The following FUBP1 variants were observed in gnomAD, a reference collection of about 807,000 sequenced individuals.
FUBP1 encodes the protein far upstream element-binding protein 1.
A neutral mutation model predicts 94.9 loss-of-function variants in FUBP1; 16 were observed. The observed-to-expected ratio is 0.17, with a 90% CI of 0.11 to 0.26. The LOEUF (loss-of-function observed/expected upper bound fraction) is 0.26. Among genes scored for constraint, FUBP1 ranks in the 10% least tolerant of loss-of-function variants. The pLI is 1.00. For missense variants in FUBP1, 583 were observed against 808.6 expected, an observed-to-expected ratio of 0.72 and a Z score of 3.38; for synonymous variants, 279 against 254.9, an observed-to-expected ratio of 1.09 and a Z score of -0.90.
At chr1:77,952,963 C>T (rs978327194) in intron 18 of FUBP1, among the ~76,000 whole-genome samples, 26 of 143,032 alleles carry the variant, frequency 1.8e-4, no homozygotes, top group Admixed American at 5.6e-4. Context: ...CATGGTGAAA[C>T]TCTGTCTCTA....
intron 1 of FUBP1, among the ~76,000 whole-genome samples, chr1:77,975,891 G>T (rs72685366): frequency 0.027 from 4,116 of 151,642 alleles, 98 homozygotes; most frequent in South Asian, 0.11. Context: ...AAAAAAAGAA[G>T]ATTGGCAACT....
Position 77,967,694 on chromosome 1 carries a change from C to G in FUBP1, c.251-28G>C, listed in dbSNP as rs1416770734. The G allele has an allele frequency of 3.0e-6, 4 of 1,337,410 alleles. No individual in the cohort carries two copies. The Admixed American group carries it at 7.1e-5, about 24-fold the overall frequency. The allele number at this position is 1,337,410 out of a possible 1,614,324, so 82.8% of individuals were successfully genotyped here. The stretch of plus-strand genomic sequence containing the variant: ...ATCAAAAAATTAAATAAAAATAAAA[C>G]AAAAATTCAAAATTTAAATTTACTT... On this transcript the variant is annotated intron_variant, in intron 3 of 19. Coordinates refer to ENST00000370768, the MANE Select transcript of FUBP1 (RefSeq NM_003902.5).
Position 77,979,047 on chromosome 1 carries a change from T to C in FUBP1, c.-43A>G. ...CGCTGCCGCCTGTTCAGAGACTTCC[T>C]CTCAGCTAACAGCTAAGAAAGAAAG... On this transcript the variant is annotated 5_prime_UTR_variant, in exon 1 of 20. Transcript: ENST00000370768. The C allele has an allele frequency of 6.4e-7, 1 of 1,559,680 alleles. No individual in the cohort carries two copies. The highest frequency in any genetic ancestry group is 8.7e-7 in the Non-Finnish European group (1 of 1,147,200).
intron 16 of FUBP1, among the ~76,000 whole-genome samples, chr1:77,957,821 T>TA (rs2102323539): frequency 8.8e-6 from 1 of 113,600 alleles, no homozygotes; most frequent in African/African-American, 3.3e-5. Context: ...ATTATCTGTA[T>TA]TTTTTTTTTT....
At chr1:77,979,177 G>C (rs1659364729), upstream of FUBP1, 1 of 645,948 alleles carries the variant, frequency 1.5e-6, no homozygotes, top group Non-Finnish European at 2.6e-6. Flanking sequence ...GAGGCAACGC[G>C]CTGGTGTGGG....
At chr1:77,968,003 G>A (rs371832019) in intron 3 of FUBP1, among the ~76,000 whole-genome samples, 162 bp downstream of exon 3, 7 of 152,120 alleles carry the variant, frequency 4.6e-5, no homozygotes, top group African/African-American at 1.7e-4. Flanking sequence ...GGGACAGATT[G>A]TAAAATAGGA....
At chr1:77,954,462 G>A (rs1397070088) in intron 18 of FUBP1, among the ~76,000 whole-genome samples, 4 of 152,186 alleles carry the variant, frequency 2.6e-5, no homozygotes, top group African/African-American at 9.6e-5. Flanking sequence ...GAAACCAGTT[G>A]TGCAAAACAA....
At chr1:77,969,070 T>C (rs767932066) in intron 2 of FUBP1, 7 of 1,278,400 alleles carry the variant, frequency 5.5e-6, no homozygotes, top group Non-Finnish European at 7.3e-6. Flanking sequence ...CTGCTCGGAC[T>C]TGTCCAAGAG....
At chr1:77,958,481 A>G (rs1220352449) in intron 16 of FUBP1, among the ~76,000 whole-genome samples, 1 of 152,222 alleles carries the variant, frequency 6.6e-6, no homozygotes, top group Non-Finnish European at 1.5e-5. Context: ...AGTTCATATA[A>G]TATTAAAACA....
At chr1:77,955,170 T>C in intron 18 of FUBP1, 85 bp downstream of exon 18, 1 of 676,066 alleles carries the variant, frequency 1.5e-6, no homozygotes, top group Middle Eastern at 2.5e-4. Context: ...AGTCCAGTGA[T>C]TTTATTCAAT....
intron 18 of FUBP1, among the ~76,000 whole-genome samples, chr1:77,954,673 T>A (rs1212562521): frequency 6.6e-6 from 1 of 152,208 alleles, no homozygotes; most frequent in Non-Finnish European, 1.5e-5. Flanking sequence ...AGCTTACCAA[T>A]TTAGCTTTCA....
At chr1:77,948,985 CATT>C (rs1296772115) in intron 19 of FUBP1, 167 bp downstream of exon 19, 11 of 900,228 alleles carry the variant, frequency 1.2e-5, no homozygotes, top group Admixed American at 4.8e-5. Flanking sequence ...TGCTGGAAAG[CATT>C]ATAAAAAACA....
chr1:77,977,178 T>C (rs1658768822), intron 1 of FUBP1, among the ~76,000 whole-genome samples: 2 of 152,122 alleles, frequency 1.3e-5, no homozygotes, highest in Admixed American at 6.5e-5. Context: ...CATAGCTTCT[T>C]AGTAGGAAAC....
intron 14 of FUBP1, 39 bp downstream of exon 14, chr1:77,962,731 G>C (rs1179233139): frequency 3.6e-6 from 5 of 1,380,924 alleles, no homozygotes; most frequent in Non-Finnish European, 5.1e-6. Flanking sequence ...TACAGTCTAA[G>C]GGTCTACACT....
intron 13 of FUBP1, 23 bp downstream of exon 13, chr1:77,963,551 A>G (rs1273342969): frequency 7.1e-7 from 1 of 1,418,204 alleles, no homozygotes; most frequent in Non-Finnish European, 9.9e-7. Context: ...GTGTTAAAAC[A>G]TTAAGAGTTT....
Position 77,962,782 on chromosome 1 carries a change from T to C in FUBP1, c.1332A>G (p.Glu444=). The change falls in exon 14 of 20, where the codon GAA becomes GAG. Residue 444 remains glutamate (E), a synonymous_variant. Transcript: ENST00000370768. ...QQIDYARQLI[E]EKIGGPVNPL... The stretch of plus-strand genomic sequence containing the variant: ...AAAGTATACTCACACCAATCTTTTC[T>C]TCTATGAGTTGCCGAGCATAGTCTA... 1 of 1,610,878 alleles carries C rather than the reference T, an allele frequency of 6.2e-7. No homozygotes were observed. Among genetic ancestry groups the C allele is most frequent in the Non-Finnish European group, 8.5e-7 (1 of 1,177,612 alleles).
At chr1:77,965,809 G>A (rs2102408844) in intron 7 of FUBP1, among the ~76,000 whole-genome samples, 1 of 152,344 alleles carries the variant, frequency 6.6e-6, no homozygotes, top group South Asian at 2.1e-4. Context: ...AGGACTTTGG[G>A]AGGCCGAGGT....
intron 18 of FUBP1, 134 bp from the exon 19 acceptor site, chr1:77,949,434 C>CAA: frequency 1.6e-6 from 1 of 613,242 alleles, no homozygotes. Flanking sequence ...CCCTTGTTGA[C>CAA]CAAAAAAAAA....
At chr1:77,950,984 A>G (rs3767027) in intron 18 of FUBP1, among the ~76,000 whole-genome samples, 3,026 of 152,262 alleles carry the variant, frequency 0.02, 69 homozygotes, top group East Asian at 0.11. Context: ...TCTTCTATAA[A>G]TAACTGTTCT....
Sources: allele counts gnomAD v4.1 joint callset (sites outside exome capture counted in the v4.1 genomes callset), GRCh38; gene constraint gnomAD v4.1.1; transcripts MANE v1.5; gene names NCBI Gene and HGNC (gene_info 2026-07-23, HGNC 2026-07-21).